Variants in ZFHX3 observed in about 807,000 individuals in gnomAD.
The protein encoded by ZFHX3 is zinc finger homeobox protein 3.
In ZFHX3, 42 loss-of-function variants were observed where a neutral mutation model predicts 279.1. That is an observed-to-expected ratio of 0.15 (90% CI 0.12 to 0.19). The LOEUF is 0.19. Among genes scored for constraint, ZFHX3 ranks in the 10% least tolerant of loss-of-function variants. The probability of loss-of-function intolerance (pLI) is 1.00; values close to 1 mark genes in which losing one functional copy is unlikely to be tolerated. For missense variants in ZFHX3, 4,981 were observed against 4,754.0 expected (o/e 1.05, Z -1.40); for synonymous variants, 2,293 against 1,957.8 (o/e 1.17, Z -4.52).
intron 1 of ZFHX3, among the ~76,000 whole-genome samples, chr16:73,039,112 C>A (rs1039688452): frequency 7.2e-6 from 1 of 139,162 alleles, no homozygotes; most frequent in African/African-American, 2.6e-5. Context: ...CCGAGCCTAG[C>A]TAATTAAAAA....
chr16:73,309,718 A>T (rs2015278748), intron 4 of ZFHX3, among the ~76,000 whole-genome samples: 1 of 152,194 alleles, frequency 6.6e-6, no homozygotes, highest in South Asian at 2.1e-4. Context: ...CTTAGAGAAG[A>T]GAGAGTTAAG....
chr16:73,889,791 G>A (rs1328225424), intron 1 of ZFHX3, among the ~76,000 whole-genome samples: 2 of 152,120 alleles, frequency 1.3e-5, no homozygotes, highest in African/African-American at 2.4e-5. Context: ...CCCTTCTACT[G>A]ACTCTTCTCC....
At chr16:73,249,824 T>TCACACACACA (rs143652574) in intron 5 of ZFHX3, among the ~76,000 whole-genome samples, 4,074 of 148,712 alleles carry the variant, frequency 0.027, 57 homozygotes, top group East Asian at 0.056. Flanking sequence ...AACAGGCACT[T>TCACACACACA]CACACACACA....
intron 2 of ZFHX3, among the ~76,000 whole-genome samples, chr16:73,663,111 G>A (rs1202078631): frequency 1.3e-5 from 2 of 152,220 alleles, no homozygotes; most frequent in Non-Finnish European, 2.9e-5. Context: ...AGTGGGGGAG[G>A]AGTGAAAGCC....
intron 2 of ZFHX3, among the ~76,000 whole-genome samples, chr16:73,588,708 A>C (rs12932177): frequency 0.52 from 68,410 of 131,148 alleles, 18,080 homozygotes; most frequent in East Asian, 0.77. Flanking sequence ...AAAACAAAAC[A>C]AAAAAAAAAA....
At chr16:72,943,973 A>T (rs1323664792) in intron 3 of ZFHX3, among the ~76,000 whole-genome samples, 1 of 152,216 alleles carries the variant, frequency 6.6e-6, no homozygotes, top group Non-Finnish European at 1.5e-5. Context: ...ATCTATATGT[A>T]CTGACCTAAA....
At chr16:73,197,539 G>A (rs1968176033) in intron 5 of ZFHX3, among the ~76,000 whole-genome samples, 1 of 152,216 alleles carries the variant, frequency 6.6e-6, no homozygotes, top group Non-Finnish European at 1.5e-5. Context: ...AGTCAACTAA[G>A]CGGATAATTC....
intron 3 of ZFHX3, among the ~76,000 whole-genome samples, chr16:72,901,106 C>T (rs2077119029): frequency 6.6e-6 from 1 of 152,192 alleles, no homozygotes; most frequent in Admixed American, 6.5e-5. Flanking sequence ...ATTCATCTTC[C>T]TCTCCCCTTT....
At chr16:73,776,393 T>G (rs991099276) in intron 1 of ZFHX3, among the ~76,000 whole-genome samples, 1 of 152,190 alleles carries the variant, frequency 6.6e-6, no homozygotes, top group African/African-American at 2.4e-5. Context: ...CTACTCTAAC[T>G]GCTGTGGTTT....
intron 8 of ZFHX3, among the ~76,000 whole-genome samples, chr16:73,083,787 C>A (rs143948517): frequency 0.018 from 2,715 of 152,296 alleles, 61 homozygotes; most frequent in African/African-American, 0.056. Flanking sequence ...GCCTCAGCCT[C>A]CCAAGTGCTG....
intron 4 of ZFHX3, among the ~76,000 whole-genome samples, chr16:73,310,958 T>C (rs2015310186): frequency 1.3e-5 from 2 of 152,076 alleles, no homozygotes; most frequent in African/African-American, 4.8e-5. Flanking sequence ...CCCAGCCAGG[T>C]GCAGTGGCTC....
At chr16:73,854,385 G>A (rs921193179) in intron 1 of ZFHX3, among the ~76,000 whole-genome samples, 1 of 151,978 alleles carries the variant, frequency 6.6e-6, no homozygotes, top group Non-Finnish European at 1.5e-5. Context: ...AAATTAGCTG[G>A]GCGTGGTAGG....
chr16:73,105,624 G>T (rs1281091140), intron 7 of ZFHX3, among the ~76,000 whole-genome samples: 1 of 151,678 alleles, frequency 6.6e-6, no homozygotes, highest in African/African-American at 2.4e-5. Flanking sequence ...ATGGTGGCGG[G>T]CACCTATAAT....
At chr16:73,845,661 C>G (rs751634397) in intron 1 of ZFHX3, among the ~76,000 whole-genome samples, 38 of 152,146 alleles carry the variant, frequency 2.5e-4, no homozygotes, top group Non-Finnish European at 5.0e-4. Flanking sequence ...CTTGCTGGCT[C>G]CGTCAGGATT....
At position 73,597,505 on chromosome 16, in the gene ZFHX3, G is replaced by A. The variant is rs183516798; in HGVS notation, c.-1547+82675C>T. 1.1e-3 allele frequency among the ~76,000 whole-genome samples: 171 copies of A among 152,262 alleles called. 1 individual carries two copies. Among genetic ancestry groups the A allele is most frequent in the African/African-American group, 3.8e-3 (157 of 41,546 alleles). Reference sequence around the variant, plus strand: ...ATTTGACAATAGGGACTTTGAAGACGTAATTAGTTAAGATGAGAACATATG... The same window carrying A: ...ATTTGACAATAGGGACTTTGAAGACATAATTAGTTAAGATGAGAACATATG... On this transcript the variant is annotated intron_variant, in intron 2 of 17. Coordinates refer to the ZFHX3 transcript ENST00000641206.
chr16:73,647,510 C>A (rs2052631089), intron 2 of ZFHX3, among the ~76,000 whole-genome samples: 1 of 152,180 alleles, frequency 6.6e-6, no homozygotes, highest in Non-Finnish European at 1.5e-5. Flanking sequence ...ACATCTTTCA[C>A]CTTCCGCCAT....
intron 1 of ZFHX3, among the ~76,000 whole-genome samples, chr16:73,781,764 G>A (rs900176048): frequency 7.2e-5 from 11 of 152,108 alleles, no homozygotes; most frequent in South Asian, 2.1e-4. Flanking sequence ...CAAGGTGGGC[G>A]AATCACGAGG....
At chr16:73,104,962 G>A (rs1275544116) in intron 7 of ZFHX3, among the ~76,000 whole-genome samples, 1 of 152,134 alleles carries the variant, frequency 6.6e-6, no homozygotes, top group Non-Finnish European at 1.5e-5. Flanking sequence ...GTTTGTCACT[G>A]GACCATTCTG....
chr16:73,634,703 GT>G (rs561501174), intron 2 of ZFHX3, among the ~76,000 whole-genome samples: 1 of 151,966 alleles, frequency 6.6e-6, no homozygotes, highest in Non-Finnish European at 1.5e-5. Context: ...AATACATGCT[GT>G]TTGGATATTA....
Sources: gnomAD v4.1 joint callset for allele counts (sites outside exome capture counted in the v4.1 genomes callset) on GRCh38, gnomAD v4.1.1 for gene constraint, MANE v1.5 for transcripts, NCBI Gene and HGNC (gene_info 2026-07-23, HGNC 2026-07-21) for gene names.